Variants in CALN1 observed in about 807,000 individuals in gnomAD.
CALN1 encodes calneuron 1.
Under a neutral mutation model 30.6 loss-of-function variants are expected in CALN1, and 17 were observed. The ratio of observed to expected loss-of-function variants is 0.56; its 90% CI spans 0.38 to 0.83. The LOEUF (loss-of-function observed/expected upper bound fraction) is 0.83. Ranked by LOEUF, CALN1 falls within the 40% of genes least tolerant of loss-of-function variation. CALN1 has a pLI of 0.00. For missense variants in CALN1, 291 were observed against 354.9 expected (o/e 0.82, Z 1.45); for synonymous variants, 156 against 131.4 (o/e 1.19, Z -1.28).
At chr7:72,396,246 A>AAAAAAAAG (rs1805934934) in intron 2 of CALN1, among the ~76,000 whole-genome samples, 1 of 99,192 alleles carries the variant, frequency 1.0e-5, no homozygotes, top group African/African-American at 5.9e-5. Flanking sequence ...AAAAAAAAAA[A>AAAAAAAAG]AAAAAAAAAA....
chr7:72,112,472 A>G (rs1014625037), intron 3 of CALN1, among the ~76,000 whole-genome samples: 3 of 152,224 alleles, frequency 2.0e-5, no homozygotes, highest in African/African-American at 7.2e-5. Flanking sequence ...GCATTGAGAC[A>G]CTGCAAAACT....
intron 5 of CALN1, among the ~76,000 whole-genome samples, chr7:71,876,082 T>C (rs1245883270): frequency 6.6e-6 from 1 of 152,126 alleles, no homozygotes; most frequent in Admixed American, 6.5e-5. Flanking sequence ...GTTTTGACAG[T>C]TAACAGGGAA....
chr7:71,832,767 A>AT (rs140779066), intron 5 of CALN1, among the ~76,000 whole-genome samples: 7,352 of 137,852 alleles, frequency 0.053, 354 homozygotes, highest in African/African-American at 0.13. Flanking sequence ...CGCCAGGCTA[A>AT]TTTTTTTTTT....
At chr7:72,491,907 G>C in the CALN1 span, among the ~76,000 whole-genome samples, 2 of 152,182 alleles carry the variant, frequency 1.3e-5, no homozygotes, top group East Asian at 1.9e-4. Flanking sequence ...GATGCCATAA[G>C]TTATGTCCTC....
intron 5 of CALN1, among the ~76,000 whole-genome samples, chr7:71,925,626 T>C (rs1226008849): frequency 2.6e-5 from 4 of 152,214 alleles, no homozygotes; most frequent in African/African-American, 7.2e-5. Flanking sequence ...TATAGACTTC[T>C]GGGTTGACAG....
At chr7:72,372,278 C>T (rs1585604081) in intron 2 of CALN1, among the ~76,000 whole-genome samples, 2 of 152,140 alleles carry the variant, frequency 1.3e-5, no homozygotes, top group African/African-American at 4.8e-5. Context: ...GAGAGCCTTA[C>T]TCTCCAGTAA....
chr7:72,210,263 A>G (rs905379010), intron 3 of CALN1, among the ~76,000 whole-genome samples: 1 of 151,468 alleles, frequency 6.6e-6, no homozygotes, highest in African/African-American at 2.4e-5. Flanking sequence ...TCCCCACCCC[A>G]CCCTAATCAA....
chr7:72,223,500 G>A (rs922692074), intron 3 of CALN1, among the ~76,000 whole-genome samples: 5 of 152,122 alleles, frequency 3.3e-5, no homozygotes, highest in South Asian at 2.1e-4. Context: ...TAGTGAACTG[G>A]AGGATGACCC....
At position 71,944,432 on chromosome 7, in the gene CALN1, T is replaced by C. The variant is rs138222187; in HGVS notation, c.501+79225A>G. 8.0e-4 allele frequency among the ~76,000 whole-genome samples: 121 copies of C among 151,860 alleles called. No individual in the cohort carries two copies. In the East Asian group the frequency reaches 0.021, roughly 26 times the overall value. On this transcript the variant is annotated intron_variant, in intron 5 of 6. Coordinates refer to ENST00000395275, the MANE Select transcript of CALN1 (RefSeq NM_031468.4). ...CAACATGGTGAAACCCTGTCTTTAC[T>C]AAAAATGCAAAATTAGCCGGGCATG...
intron 5 of CALN1, among the ~76,000 whole-genome samples, chr7:71,978,617 G>A (rs906301796): frequency 1.5e-4 from 23 of 152,148 alleles, no homozygotes; most frequent in African/African-American, 3.9e-4. Context: ...CAGGGGCAGC[G>A]CCAGCTGTGG....
chr7:71,857,091 G>T (rs898423954), intron 5 of CALN1, among the ~76,000 whole-genome samples: 17 of 149,834 alleles, frequency 1.1e-4, no homozygotes, highest in African/African-American at 4.2e-4. Context: ...CCTAAGTGTA[G>T]AAACTATGTG....
At chr7:72,499,854 TTTC>T in the CALN1 span, among the ~76,000 whole-genome samples, 1 of 52,054 alleles carries the variant, frequency 1.9e-5, no homozygotes, top group Non-Finnish European at 4.0e-5. Context: ...TCTTTCTTTC[TTTC>T]TTTCTTTCTT....
intron 5 of CALN1, among the ~76,000 whole-genome samples, chr7:71,846,079 C>T (rs768163895): frequency 2.0e-5 from 3 of 151,986 alleles, no homozygotes; most frequent in Non-Finnish European, 4.4e-5. Flanking sequence ...TAACACTCTC[C>T]TCCTGGATGT....
intron 1 of CALN1, among the ~76,000 whole-genome samples, chr7:72,418,244 T>C (rs1364796798): frequency 6.6e-6 from 1 of 152,178 alleles, no homozygotes; most frequent in African/African-American, 2.4e-5. Context: ...TGCATTAATC[T>C]GCTTAGGATA....
At chr7:72,451,629 G>A (rs141521165), upstream of CALN1, among the ~76,000 whole-genome samples, 586 of 152,126 alleles carry the variant, frequency 3.9e-3, 3 homozygotes, top group African/African-American at 0.013. Flanking sequence ...AGAAAGAGAC[G>A]GTCCCTCAGC....
intron 3 of CALN1, among the ~76,000 whole-genome samples, chr7:72,111,055 A>C (rs1807538619): frequency 1.3e-5 from 2 of 152,144 alleles, no homozygotes; most frequent in African/African-American, 4.8e-5. Flanking sequence ...CTTTGGCCTA[A>C]AGTCTCTGGT....
chr7:72,465,396 C>A, the CALN1 span, among the ~76,000 whole-genome samples: 1 of 152,204 alleles, frequency 6.6e-6, no homozygotes, highest in East Asian at 1.9e-4. Context: ...TTCCTTGCCC[C>A]TATAGTAGGC....
At position 72,443,525 on chromosome 7, in the gene CALN1, G is replaced by C. The variant is rs1022584581; in HGVS notation, c.-226+3517C>G. Among the ~76,000 whole-genome samples, 11 of 152,098 alleles carry C rather than the reference G, an allele frequency of 7.2e-5. 1 individual carries two copies. The highest frequency in any genetic ancestry group is 1.5e-5 in the Non-Finnish European group (1 of 68,026). ...GACAGATTTGCTGCCACTCCCTCGA[G>C]TGTTTCTTTCACCTCTGTGCTTTGC... On this transcript the variant is annotated intron_variant, in intron 1 of 6. Coordinates refer to the CALN1 transcript ENST00000395276.
At chr7:72,256,423 G>A (rs1215216168) in intron 3 of CALN1, among the ~76,000 whole-genome samples, 1 of 152,022 alleles carries the variant, frequency 6.6e-6, no homozygotes, top group East Asian at 1.9e-4. Flanking sequence ...TCATGCCACT[G>A]CACTCCAGCC....
Sources: allele counts gnomAD v4.1 joint callset (sites outside exome capture counted in the v4.1 genomes callset), GRCh38; gene constraint gnomAD v4.1.1; transcripts MANE v1.5; gene names NCBI Gene and HGNC (gene_info 2026-07-23, HGNC 2026-07-21).